The following DSG1 variants were observed in gnomAD, a reference collection of about 807,000 sequenced individuals.
DSG1 encodes the protein desmoglein 1.
DSG1 carries 39 observed loss-of-function variants against 97.5 expected under a neutral mutation model. The observed-to-expected ratio is 0.40, with a 90% CI of 0.31 to 0.52. DSG1 has a LOEUF of 0.52. DSG1 is among the 20% of genes least tolerant of loss of function. DSG1 has a pLI of 0.53. For missense variants in DSG1, 1,311 were observed against 1,295.4 expected, an observed-to-expected ratio of 1.01 and a Z score of -0.18; for synonymous variants, 475 against 443.4, an observed-to-expected ratio of 1.07 and a Z score of -0.90.
At chr18:31,351,400 A>G (rs1488591909) in intron 14 of DSG1, among the ~76,000 whole-genome samples, 3 of 147,442 alleles carry the variant, frequency 2.0e-5, no homozygotes, top group South Asian at 2.2e-4. Context: ...TATGTGGTCA[A>G]TTTTGGAATA....
At chr18:31,344,914 T>G (rs1333282242) in intron 13 of DSG1, among the ~76,000 whole-genome samples, 1 of 152,172 alleles carries the variant, frequency 6.6e-6, no homozygotes, top group Non-Finnish European at 1.5e-5. Flanking sequence ...CATAGAAATG[T>G]GTATAACTTG....
intron 1 of DSG1, among the ~76,000 whole-genome samples, chr18:31,322,532 C>T (rs1420728740): frequency 3.3e-5 from 5 of 152,024 alleles, no homozygotes; most frequent in Non-Finnish European, 5.9e-5. Flanking sequence ...AATACACAAA[C>T]GAAAAGAATA....
intron 14 of DSG1, among the ~76,000 whole-genome samples, chr18:31,348,643 T>G (rs576302128): frequency 1.1e-4 from 16 of 151,262 alleles, no homozygotes; most frequent in Non-Finnish European, 1.0e-4. Context: ...GTTTCCTGAC[T>G]TTTTAATGAT....
chr18:31,345,264 A>C (rs1380095068), intron 13 of DSG1: 3 of 152,206 alleles, frequency 2.0e-5, no homozygotes, highest in Admixed American at 2.0e-4. Context: ...CAGTGGATAC[A>C]TATCCCACTG....
chr18:31,333,169 C>T lies in DSG1; in HGVS notation c.685-420C>T, dbSNP rs111370564. On this transcript the variant is annotated intron_variant, in intron 6 of 14. Transcript: ENST00000257192. Reference sequence around the variant, plus strand: ...GATACATCACCAATAATTCCACTGCCATAACCCACTACCTCTCAAAACACA... The same window carrying T: ...GATACATCACCAATAATTCCACTGCTATAACCCACTACCTCTCAAAACACA... Among the ~76,000 whole-genome samples the T allele has an allele frequency of 6.0e-4, 91 of 152,246 alleles. 1 individual carries two copies. The highest frequency in any genetic ancestry group is 2.1e-3 in the African/African-American group (86 of 41,548).
chr18:31,354,345 T>G lies in DSG1; in HGVS notation c.2149T>G (p.Cys717Gly). ...DEDEGRPSND[C>G]LLIYDIEGVG... is the part of the protein sequence containing the mutation. ...AGATGAAGGACGCCCATCTAATGAC[T>G]GTTTGCTCATATATGACATCGAAGG... The change falls in exon 15 of 15, where the codon TGT becomes GGT. Residue 717 changes from cysteine to glycine, a missense_variant. Around this residue, in one of 3 missense-constraint regions of DSG1, gnomAD observed 1,038 missense variants for 964.6 expected, o/e 1.08. Coordinates refer to ENST00000257192, the MANE Select transcript of DSG1 (RefSeq NM_001942.4). 1 of 1,614,222 alleles carries G rather than the reference T, an allele frequency of 6.2e-7. No homozygotes were observed. Among genetic ancestry groups the G allele is most frequent in the Middle Eastern group, 1.6e-4 (1 of 6,062 alleles).
chr18:31,330,865 T>C (rs2071716017), intron 5 of DSG1, among the ~76,000 whole-genome samples: 1 of 152,140 alleles, frequency 6.6e-6, no homozygotes, highest in Admixed American at 6.6e-5. Context: ...ATTACATAAG[T>C]GTATATAAAT....
intron 13 of DSG1, among the ~76,000 whole-genome samples, chr18:31,344,434 ATTAAT>A (rs575615134): frequency 3.9e-5 from 6 of 152,366 alleles, no homozygotes; most frequent in African/African-American, 1.2e-4. Context: ...TTTATACACA[ATTAAT>A]TTAAGGATTC....
At chr18:31,351,484 T>C (rs2071895946) in intron 14 of DSG1, among the ~76,000 whole-genome samples, 1 of 151,316 alleles carries the variant, frequency 6.6e-6, no homozygotes, top group Admixed American at 6.6e-5. Context: ...GTCTATTAGG[T>C]CCGCCTGGTG....
In DSG1 at chr18:31,355,258, A is replaced by T; in HGVS notation, c.3062A>T (p.His1021Leu). Residue 1021 changes from histidine (H) to leucine (L), a missense_variant, in exon 15 of 15, where the codon CAT (histidine) becomes CTT (leucine). His to Leu is a moderately conservative substitution (Grantham distance 99, BLOSUM62 -3). This residue lies in a region of DSG1 where 1,038 missense variants were observed against 964.6 expected (regional missense o/e 1.08). Transcript: ENST00000257192. ...GGCCACATGAGGAGTTCCTCTGACC[A>T]TCACTTTAACCAAACCATTGGGTCC... ...SIGHMRSSSD[H>L]HFNQTIGSAS... 3 of 1,612,716 alleles carry T rather than the reference A, an allele frequency of 1.9e-6. No homozygotes were observed. The highest frequency in any genetic ancestry group is 2.5e-6 in the Non-Finnish European group (3 of 1,179,006).
intron 1 of DSG1, among the ~76,000 whole-genome samples, chr18:31,319,762 GATTT>G (rs1369000268): frequency 6.6e-6 from 1 of 152,044 alleles, no homozygotes; most frequent in East Asian, 1.9e-4. Context: ...CTTATTTGTT[GATTT>G]ATTTATTTCA....
intron 6 of DSG1, among the ~76,000 whole-genome samples, 165 bp downstream of exon 6, chr18:31,332,032 G>C (rs1568041682): frequency 6.6e-6 from 1 of 151,808 alleles, no homozygotes; most frequent in Non-Finnish European, 1.5e-5. Flanking sequence ...AATGAAAAAG[G>C]GAGGATTTTT....
At chr18:31,341,927 TG>T (rs1204423844) in intron 11 of DSG1, among the ~76,000 whole-genome samples, 44 of 118,380 alleles carry the variant, frequency 3.7e-4, no homozygotes, top group Admixed American at 1.8e-3. Context: ...TTTGTTCTTT[TG>T]TTTTTTTGTT....
In DSG1 at chr18:31,328,282, C is replaced by G. The variant is rs1198597031; in HGVS notation, c.310C>G (p.Gln104Glu). The part of the protein sequence containing the change: ...QPPYGIFVIN[Q>E]KTGEINITSI... ...ACCATATGGGATCTTTGTCATTAAT[C>G]AGAAAACTGGTGAAATTAATATAAC... The change falls in exon 4 of 15, where the codon CAG (glutamine) becomes GAG (glutamate). Residue 104 changes from glutamine (Q) to glutamate (E), a missense_variant. Gln to Glu is a conservative substitution (Grantham distance 29, BLOSUM62 2). This residue lies in a region of DSG1 where 259 missense variants were observed against 304.1 expected (regional missense o/e 0.85). Coordinates refer to ENST00000257192, the MANE Select transcript of DSG1 (RefSeq NM_001942.4). 6.2e-7 allele frequency: 1 copy of G among 1,613,496 alleles called. No individual in the cohort carries two copies. The highest frequency in any genetic ancestry group is 1.7e-5 in the Admixed American group (1 of 60,000).
At chr18:31,318,424 T>C (rs1448031547) in intron 1 of DSG1, 76 bp downstream of exon 1, 2 of 1,168,124 alleles carry the variant, frequency 1.7e-6, no homozygotes, top group Non-Finnish European at 2.6e-6. Flanking sequence ...AAAATGTTAG[T>C]GGGCATTATT....
chr18:31,332,286 A>G (rs1185124115), intron 6 of DSG1, among the ~76,000 whole-genome samples: 1 of 152,118 alleles, frequency 6.6e-6, no homozygotes, highest in African/African-American at 2.4e-5. Context: ...GAATATTGAT[A>G]CACTAAGTTC....
intron 6 of DSG1, 152 bp downstream of exon 6, chr18:31,332,019 T>A (rs1178593247): frequency 8.2e-6 from 6 of 731,872 alleles, no homozygotes; most frequent in African/African-American, 1.8e-5. Flanking sequence ...GAAATATTTT[T>A]TAAATGAAAA....
chr18:31,346,138 TA>T lies in DSG1; in HGVS notation c.2041del (p.Met681Ter), dbSNP rs1203908934. On this transcript the variant is annotated frameshift_variant, in exon 14 of 15. Coordinates refer to ENST00000257192, the MANE Select transcript of DSG1 (RefSeq NM_001942.4). LOFTEE classifies it high-confidence loss of function. ...ACTCTGGAACATTAAGAAGAAATTC[TA>T]TGAGGGAATGTAGAGAAGGAGGTCT... The part of the protein sequence containing the change: ...EYSGTLRRNS[M>X]RECREGGLNM... 1 of 1,613,840 alleles carries T rather than the reference TA, an allele frequency of 6.2e-7. No homozygotes were observed. Among genetic ancestry groups the T allele is most frequent in the Non-Finnish European group, 8.5e-7 (1 of 1,179,868 alleles).
intron 14 of DSG1, among the ~76,000 whole-genome samples, chr18:31,353,633 G>A (rs371296562): frequency 8.9e-5 from 13 of 146,816 alleles, no homozygotes; most frequent in Middle Eastern, 7.1e-3. Flanking sequence ...CTCCGTGGGC[G>A]TAGGACCCTC....
Sources: allele counts gnomAD v4.1 joint callset (sites outside exome capture counted in the v4.1 genomes callset), GRCh38; gene constraint gnomAD v4.1.1; regional missense constraint gnomAD v4.1.1; transcripts MANE v1.5; gene names NCBI Gene and HGNC (gene_info 2026-07-23, HGNC 2026-07-21).